Variants in NSMCE2 observed in about 807,000 individuals in gnomAD.
The protein encoded by NSMCE2 is E3 SUMO-protein ligase NSE2.
A neutral mutation model predicts 23.8 loss-of-function variants in NSMCE2; 24 were observed. The observed-to-expected ratio is 1.01, with a 90% CI of 0.73 to 1.42. The LOEUF (loss-of-function observed/expected upper bound fraction) is 1.42, where lower values mean the gene tolerates loss of function less well. NSMCE2 is among the 40% of genes most tolerant of loss of function. NSMCE2 has a pLI of 0.00. For missense variants in NSMCE2, 284 were observed against 296.5 expected, an observed-to-expected ratio of 0.96 and a Z score of 0.31; for synonymous variants, 92 against 94.1, an observed-to-expected ratio of 0.98 and a Z score of 0.13.
intron 3 of NSMCE2, among the ~76,000 whole-genome samples, chr8:125,109,522 C>G (rs1353370038): frequency 6.6e-6 from 1 of 152,100 alleles, no homozygotes; most frequent in Non-Finnish European, 1.5e-5. Context: ...TTTGGGTTGC[C>G]TGATTTCATC....
At chr8:125,359,838 A>G (rs1386109342) in intron 7 of NSMCE2, among the ~76,000 whole-genome samples, 2 of 152,260 alleles carry the variant, frequency 1.3e-5, no homozygotes, top group East Asian at 1.9e-4. Context: ...CCATTGCTCT[A>G]TAGGCATGGG....
chr8:125,277,356 G>C (rs1361211435), intron 5 of NSMCE2, among the ~76,000 whole-genome samples: 1 of 152,136 alleles, frequency 6.6e-6, no homozygotes, highest in Admixed American at 6.5e-5. Flanking sequence ...TTAGGCACTA[G>C]AGGCACAATG....
Position 125,191,362 on chromosome 8 carries a change from T to G in NSMCE2, c.418+9106T>G, listed in dbSNP as rs145183453. ...CCACACCAATTCTTGAAAACACTTT[T>G]GTGTGTTTTTTCTTTCTCTCAATTC... On this transcript the variant is annotated intron_variant, in intron 5 of 7. Transcript: ENST00000287437. 2.8e-3 allele frequency among the ~76,000 whole-genome samples: 433 copies of G among 152,272 alleles called. 3 individuals are homozygous for G. Among genetic ancestry groups the G allele is most frequent in the Middle Eastern group, 0.014 (4 of 294 alleles).
intron 5 of NSMCE2, among the ~76,000 whole-genome samples, chr8:125,317,572 A>T (rs1220217919): frequency 3.3e-5 from 5 of 152,162 alleles, no homozygotes; most frequent in Non-Finnish European, 5.9e-5. Context: ...GCATTTACAC[A>T]TAATAATTTT....
Position 125,366,964 on chromosome 8 carries a change from C to A in NSMCE2, c.*79C>A. 2 of 775,318 alleles carry A rather than the reference C, an allele frequency of 2.6e-6. No individual in the cohort carries two copies. Among genetic ancestry groups the A allele is most frequent in the South Asian group, 1.5e-5 (1 of 65,468 alleles). 48.0% of individuals were successfully genotyped at this position (775,318 alleles called of 1,614,324 possible). On this transcript the variant is annotated 3_prime_UTR_variant, in exon 8 of 8. Coordinates refer to ENST00000287437, the MANE Select transcript of NSMCE2 (RefSeq NM_173685.4). ...CTGTTGAGAGCAGTGCTGACCCCAG[C>A]AGTTAGGGACTGGCTGCATAGCATA...
chr8:125,229,751 G>A (rs1825244985), intron 5 of NSMCE2, among the ~76,000 whole-genome samples: 1 of 152,042 alleles, frequency 6.6e-6, no homozygotes, highest in Admixed American at 6.6e-5. Flanking sequence ...ATTATTTTTA[G>A]CTACATATCT....
At chr8:125,158,568 G>A in intron 4 of NSMCE2, among the ~76,000 whole-genome samples, 1 of 152,152 alleles carries the variant, frequency 6.6e-6, no homozygotes, top group East Asian at 1.9e-4. Flanking sequence ...GGCCTCAGTG[G>A]CACCAGGCCA....
chr8:125,229,497 G>A (rs1825233413), intron 5 of NSMCE2, among the ~76,000 whole-genome samples: 1 of 152,160 alleles, frequency 6.6e-6, no homozygotes, highest in African/African-American at 2.4e-5. Flanking sequence ...CAGGAAGAAA[G>A]GGTGGAAGAG....
chr8:125,308,251 C>T (rs1828836356), intron 5 of NSMCE2, among the ~76,000 whole-genome samples: 1 of 152,216 alleles, frequency 6.6e-6, no homozygotes, highest in African/African-American at 2.4e-5. Context: ...ATGCTAAATA[C>T]TGAGTCTCAG....
chr8:125,200,281 C>A (rs1176332538), intron 5 of NSMCE2, among the ~76,000 whole-genome samples: 3 of 152,158 alleles, frequency 2.0e-5, no homozygotes, highest in African/African-American at 7.2e-5. Context: ...ATGGTCTTTA[C>A]AGTTTGGCAT....
intron 5 of NSMCE2, among the ~76,000 whole-genome samples, chr8:125,188,562 G>GT (rs1823210029): frequency 6.6e-6 from 1 of 152,226 alleles, no homozygotes; most frequent in African/African-American, 2.4e-5. Flanking sequence ...CTGTTTTTCA[G>GT]TTACTAGATT....
At chr8:125,283,055 A>G (rs1427539806) in intron 5 of NSMCE2, among the ~76,000 whole-genome samples, 1 of 152,026 alleles carries the variant, frequency 6.6e-6, no homozygotes, top group African/African-American at 2.4e-5. Flanking sequence ...ATATTATGTA[A>G]CCTCTCTGTG....
chr8:125,215,372 C>T (rs1444764342), intron 5 of NSMCE2, among the ~76,000 whole-genome samples: 1 of 151,240 alleles, frequency 6.6e-6, no homozygotes, highest in Non-Finnish European at 1.5e-5. Flanking sequence ...GACATGAACT[C>T]ATCATTTTTT....
In NSMCE2 at chr8:125,094,003, T is replaced by C. The variant is rs566728670; in HGVS notation, c.-111+2045T>C. ...TTTTTTTGTAGAGTTGGGGTCTTGC[T>C]GTGTTGCCCAGGCTGGTCTTAAACT... On this transcript the variant is annotated intron_variant, in intron 1 of 7. Coordinates refer to ENST00000287437, the MANE Select transcript of NSMCE2 (RefSeq NM_173685.4). Among the ~76,000 whole-genome samples, 457 of 151,842 alleles carry C rather than the reference T, an allele frequency of 3.0e-3. 3 individuals are homozygous for C. Among genetic ancestry groups the C allele is most frequent in the African/African-American group, 0.011 (440 of 41,370 alleles).
At chr8:125,207,669 G>A (rs1824167648) in intron 5 of NSMCE2, among the ~76,000 whole-genome samples, 1 of 152,200 alleles carries the variant, frequency 6.6e-6, no homozygotes, top group African/African-American at 2.4e-5. Flanking sequence ...TTTGGCTCGT[G>A]ACTATTTGGC....
chr8:125,144,153 C>A (rs7827336), intron 3 of NSMCE2, among the ~76,000 whole-genome samples: 21,127 of 152,050 alleles, frequency 0.14, 2,417 homozygotes, highest in African/African-American at 0.32. Context: ...CATGTACTAC[C>A]GGACCTGTTT....
intron 4 of NSMCE2, among the ~76,000 whole-genome samples, chr8:125,171,099 T>C (rs1323193040): frequency 6.6e-6 from 1 of 152,338 alleles, no homozygotes; most frequent in East Asian, 1.9e-4. Flanking sequence ...TCTTTAGGTC[T>C]CTGGTTCAGA....
intron 3 of NSMCE2, among the ~76,000 whole-genome samples, chr8:125,114,732 G>A (rs1216704137): frequency 6.6e-6 from 1 of 152,148 alleles, no homozygotes; most frequent in East Asian, 1.9e-4. Flanking sequence ...TTAGTGCTGA[G>A]GCTGAGAAAC....
At chr8:125,152,066 A>C (rs1004038407) in intron 4 of NSMCE2, among the ~76,000 whole-genome samples, 17 of 152,230 alleles carry the variant, frequency 1.1e-4, no homozygotes, top group Non-Finnish European at 2.4e-4. Flanking sequence ...TAGAAGATAC[A>C]TTTTTAAATC....
Sources: gnomAD v4.1 joint callset for allele counts (sites outside exome capture counted in the v4.1 genomes callset) on GRCh38, gnomAD v4.1.1 for gene constraint, MANE v1.5 for transcripts, NCBI Gene and HGNC (gene_info 2026-07-23, HGNC 2026-07-21) for gene names.